Variants in USP53 observed in about 807,000 individuals in gnomAD.
The protein encoded by USP53 is ubiquitin specific peptidase 53, also known as ubiquitin carboxyl-terminal hydrolase 53.
A neutral mutation model predicts 94.9 loss-of-function variants in USP53; 71 were observed. The observed-to-expected ratio is 0.75, with a 90% CI of 0.62 to 0.91. The LOEUF (loss-of-function observed/expected upper bound fraction) is 0.91, where lower values mean the gene tolerates loss of function less well. USP53 is among the 40% of genes least tolerant of loss of function. The pLI is 0.00. For missense variants in USP53, 1,173 were observed against 1,281.0 expected, an observed-to-expected ratio of 0.92 and a Z score of 1.29; for synonymous variants, 375 against 422.7, an observed-to-expected ratio of 0.89 and a Z score of 1.39.
chr4:119,293,235 T>G lies in USP53; in HGVS notation c.*24T>G, dbSNP rs376139957. On this transcript the variant is annotated 3_prime_UTR_variant, in exon 19 of 19. Coordinates refer to ENST00000692078, the MANE Select transcript of USP53 (RefSeq NM_001371395.1). ...AGAGTGAAAAAGGACTAGACCTGTG[T>G]TACATAATAATCTTGGTTCAAGCTG... is the stretch of plus-strand genomic sequence containing the variant. The G allele has an allele frequency of 6.5e-7, 1 of 1,545,404 alleles. No individual in the cohort carries two copies. The highest frequency in any genetic ancestry group is 8.6e-7 in the Non-Finnish European group (1 of 1,157,430).
rs1755107622 is a variant in USP53 at position 119,294,812 on chromosome 4, G to A, written c.*1601G>A. On this transcript the variant is annotated 3_prime_UTR_variant, in exon 19 of 19. Coordinates refer to ENST00000692078, the MANE Select transcript of USP53 (RefSeq NM_001371395.1). ...ACTAGCCTTTTTAAACTATAATAGT[G>A]AGTGATCATTACTTTATATTCTCGT... 1.3e-5 allele frequency: 2 copies of A among 152,078 alleles called. No homozygotes were observed. The highest frequency in any genetic ancestry group is 2.9e-5 in the Non-Finnish European group (2 of 67,952). 9.4% of individuals were successfully genotyped at this position (152,078 alleles called of 1,614,324 possible). A position where few individuals can be genotyped will look rare whatever the true frequency, so the allele number is the denominator to read the frequency against.
chr4:119,267,398 C>T lies in USP53; in HGVS notation c.1051C>T (p.Pro351Ser), dbSNP rs779418074. ...GCCACTACTTTTGTTTTATGCAAACCCAGATGGCACAGCAGTTTCTACTGA... is the reference window on the plus strand; with the variant it reads ...GCCACTACTTTTGTTTTATGCAAACTCAGATGGCACAGCAGTTTCTACTGA... Reference protein sequence around the residue: ...FQPLLLFYANPDGTAVSTEDA... With the variant: ...FQPLLLFYANSDGTAVSTEDA... The change falls in exon 13 of 19, where the codon CCA (proline) becomes TCA (serine). Residue 351 changes from proline (P) to serine (S), a missense_variant. By Grantham distance (74) the Pro-to-Ser change is moderately conservative. Coordinates refer to ENST00000692078, the MANE Select transcript of USP53 (RefSeq NM_001371395.1). 2.5e-6 allele frequency: 4 copies of T among 1,613,958 alleles called. No homozygotes were observed. The highest frequency in any genetic ancestry group is 3.4e-6 in the Non-Finnish European group (4 of 1,179,954).
intron 13 of USP53, 27 bp downstream of exon 13, chr4:119,267,509 A>G (rs757294971): frequency 2.5e-6 from 4 of 1,594,232 alleles, no homozygotes; most frequent in Middle Eastern, 1.7e-4. Flanking sequence ...AAAATTCTCA[A>G]TGTTTTTCTA....
chr4:119,235,829 A>G lies in USP53; in HGVS notation c.-543+418A>G, dbSNP rs138356327. Among the ~76,000 whole-genome samples, 3 of 152,264 alleles carry G rather than the reference A, an allele frequency of 2.0e-5. No homozygotes were observed. The East Asian group carries it at 5.8e-4, about 29-fold the overall frequency. On this transcript the variant is annotated intron_variant, in intron 4 of 18. Transcript: ENST00000692078. ...CAATCTTTGTGCAAATGTAACCTCAATGAGACCATCGTTCATTATCCTATC... is the reference window on the plus strand; with the variant it reads ...CAATCTTTGTGCAAATGTAACCTCAGTGAGACCATCGTTCATTATCCTATC...
At chr4:119,243,537 TTAACTA>T (rs1251424214) in intron 5 of USP53, among the ~76,000 whole-genome samples, 1 of 152,110 alleles carries the variant, frequency 6.6e-6, no homozygotes, top group Non-Finnish European at 1.5e-5. Flanking sequence ...TGGATGAAGA[TTAACTA>T]TAATTAGGAT....
In USP53 at chr4:119,247,840, TAAA is replaced by T. The variant is rs1224998192; in HGVS notation, c.238-906_238-904del. Among the ~76,000 whole-genome samples, 3 of 152,252 alleles carry T rather than the reference TAAA, an allele frequency of 2.0e-5. No homozygotes were observed. In the East Asian group the frequency reaches 5.8e-4, roughly 29 times the overall value. On this transcript the variant is annotated intron_variant, in intron 6 of 18. Transcript: ENST00000692078. ...TCATAATTTTAGCTACTATAATGGC[TAAA>T]ATAATTATAGTTCTGGGTATCTAAT...
In USP53 at chr4:119,226,760, C is replaced by T. The variant is rs192524367; in HGVS notation, c.-664-8530C>T. Among the ~76,000 whole-genome samples the T allele has an allele frequency of 2.6e-3, 389 of 152,178 alleles. 1 individual carries two copies. The highest frequency in any genetic ancestry group is 6.8e-3 in the Middle Eastern group (2 of 294). ...ATTCATTTAAAGTAATGGCAAAAAG[C>T]ACAATTACTTTTGGACCAACCTAGT... On this transcript the variant is annotated intron_variant, in intron 3 of 18. Transcript: ENST00000692078.
At chr4:119,269,875 C>T (rs368974313) in intron 15 of USP53, 38 bp downstream of exon 15, 1 of 1,292,552 alleles carries the variant, frequency 7.7e-7, no homozygotes, top group Non-Finnish European at 9.9e-7. Flanking sequence ...TTAAAAGGAA[C>T]TTCTAAAAAT....
In USP53 at chr4:119,293,095, A is replaced by C; in HGVS notation, c.3106A>C (p.Thr1036Pro). 1 of 1,614,060 alleles carries C rather than the reference A, an allele frequency of 6.2e-7. No individual in the cohort carries two copies. Among genetic ancestry groups the C allele is most frequent in the Non-Finnish European group, 8.5e-7 (1 of 1,179,926 alleles). ...CTGTCCAAATGAGACAGTTTCATTA[A>C]CTACCTATTTTTCAGTTGATAGCTG... ...STCPNETVSL[T>P]TYFSVDSCMT... The change falls in exon 19 of 19, where the codon ACT becomes CCT. Residue 1036 changes from threonine to proline, a missense_variant. Thr to Pro is a conservative substitution (Grantham distance 38). Transcript: ENST00000692078.
In USP53 at chr4:119,259,800, G is replaced by C. The variant is rs769600346; in HGVS notation, c.570-20G>C. 1 of 1,594,170 alleles carries C rather than the reference G, an allele frequency of 6.3e-7. No individual in the cohort carries two copies. Among genetic ancestry groups the C allele is most frequent in the Admixed American group, 1.7e-5 (1 of 57,982 alleles). On this transcript the variant is annotated intron_variant, in intron 9 of 18. Coordinates refer to ENST00000692078, the MANE Select transcript of USP53 (RefSeq NM_001371395.1). Reference sequence around the variant, plus strand: ...TTTTAAGTTCATAGGCCAGATTTGGGATTGCTTCTTTTTTTGTAGCAATGA... The same window carrying C: ...TTTTAAGTTCATAGGCCAGATTTGGCATTGCTTCTTTTTTTGTAGCAATGA...
intron 1 of USP53, 49 bp downstream of exon 1, chr4:119,212,922 C>T (rs921059486): frequency 2.8e-5 from 5 of 175,788 alleles, no homozygotes; most frequent in African/African-American, 1.2e-4. Flanking sequence ...AGACCTGCGA[C>T]CCCCGCGGGC....
intron 3 of USP53, among the ~76,000 whole-genome samples, chr4:119,234,828 C>T (rs1746518753): frequency 6.6e-6 from 1 of 152,198 alleles, no homozygotes; most frequent in Admixed American, 6.5e-5. Context: ...TACCACAATC[C>T]ATGGATACTT....
At chr4:119,220,151 A>C (rs186959586) in intron 3 of USP53, 1 of 152,306 alleles carries the variant, frequency 6.6e-6, no homozygotes, top group Non-Finnish European at 1.5e-5. Context: ...TGCACAAATG[A>C]ATTCTGAAGG....
rs1177171689 is a variant in USP53, at chr4:119,269,576, A to G, written c.1289-115A>G. 7.6e-6 allele frequency: 5 copies of G among 655,524 alleles called. No homozygotes were observed. In the East Asian group the frequency reaches 1.9e-4, roughly 25 times the overall value. The allele number at this position is 655,524 out of a possible 1,614,324, so 40.6% of individuals were successfully genotyped here. On this transcript the variant is annotated intron_variant, in intron 14 of 18. Transcript: ENST00000692078. ...AAATACCATTGTATACTATATATCT[A>G]CATATCTATGCTCTTTTTAAATATA...
Position 119,239,296 on chromosome 4 carries a change from CT to C in USP53, c.-462del, listed in dbSNP as rs1747208725. 6.7e-6 allele frequency: 1 copy of C among 148,878 alleles called. No individual in the cohort carries two copies. The highest frequency in any genetic ancestry group is 1.5e-5 in the Non-Finnish European group (1 of 66,598). The allele number at this position is 148,878 out of a possible 1,614,324, so 9.2% of individuals were successfully genotyped here. A position where few individuals can be genotyped will look rare whatever the true frequency, so the allele number is the denominator to read the frequency against. ...ACCTGGGAAAGAGAGAGAAAACTTT[CT>C]TGTTAAAAAAACATAAGGAAAACAA... On this transcript the variant is annotated 5_prime_UTR_variant, in exon 5 of 19. It removes the in-frame stop codon of an upstream open reading frame in the 5' UTR. Transcript: ENST00000692078.
In USP53 at chr4:119,271,603, C is replaced by T. The variant is rs758181801; in HGVS notation, c.1743C>T (p.Asn581=). ...GTGATAGCAGCAGTAAAAGCCGGAACCGAGGTTGGAAACCTATGAGAGAAA... is the reference window on the plus strand; with the variant it reads ...GTGATAGCAGCAGTAAAAGCCGGAATCGAGGTTGGAAACCTATGAGAGAAA... ...NSCDSSSKSR[N]RGWKPMRETL... The change falls in exon 16 of 19, where the codon AAC becomes AAT. Residue 581 remains asparagine, a synonymous_variant. Transcript: ENST00000692078. 3 of 1,613,638 alleles carry T rather than the reference C, an allele frequency of 1.9e-6. No individual in the cohort carries two copies. The highest frequency in any genetic ancestry group is 1.3e-5 in the African/African-American group (1 of 74,970).
At chr4:119,272,108 G>C in intron 16 of USP53, 74 bp downstream of exon 16, 4 of 1,482,456 alleles carry the variant, frequency 2.7e-6, no homozygotes, top group Non-Finnish European at 3.6e-6. Flanking sequence ...AATTTTTGAA[G>C]TTTGGGGTCA....
chr4:119,264,943 A>G (rs1487921092), intron 12 of USP53, among the ~76,000 whole-genome samples: 1 of 152,256 alleles, frequency 6.6e-6, no homozygotes, highest in Non-Finnish European at 1.5e-5. Context: ...ATAGCTATAC[A>G]GTGGAATATA....
At chr4:119,230,915 G>T (rs1177991141) in intron 3 of USP53, among the ~76,000 whole-genome samples, 1 of 152,196 alleles carries the variant, frequency 6.6e-6, no homozygotes, top group African/African-American at 2.4e-5. Context: ...TGGGTTTAGA[G>T]TAAGTGGGTA....
Sources: allele counts gnomAD v4.1 joint callset (sites outside exome capture counted in the v4.1 genomes callset), GRCh38; gene constraint gnomAD v4.1.1; transcripts MANE v1.5; gene names NCBI Gene and HGNC (gene_info 2026-07-23, HGNC 2026-07-21).